The following HTT variants were observed in gnomAD, a reference collection of about 807,000 sequenced individuals.
The protein encoded by HTT is huntingtin.
HTT carries 104 observed loss-of-function variants against 362.3 expected under a neutral mutation model. The observed-to-expected ratio is 0.29, with a 90% CI of 0.24 to 0.34. The LOEUF is 0.34. Among genes scored for constraint, HTT ranks in the 10% least tolerant of loss-of-function variants. The probability of loss-of-function intolerance (pLI) is 1.00; values close to 1 mark genes in which losing one functional copy is unlikely to be tolerated. For synonymous variants in HTT, 1,577 were observed against 1,548.7 expected, an observed-to-expected ratio of 1.02 and a Z score of -0.43; for missense variants, 3,301 against 3,928.6, an observed-to-expected ratio of 0.84 and a Z score of 4.27.
intron 2 of HTT, among the ~76,000 whole-genome samples, chr4:3,097,067 T>C (rs147756043): frequency 1.1e-3 from 166 of 152,250 alleles, no homozygotes; most frequent in African/African-American, 3.6e-3. Flanking sequence ...TGCAGTGAAC[T>C]GTGATTGTGC....
At chr4:3,075,655 G>T (rs559254666) in intron 1 of HTT, among the ~76,000 whole-genome samples, 3 of 139,630 alleles carry the variant, frequency 2.1e-5, no homozygotes, top group African/African-American at 5.4e-5. Context: ...GGCAGGGGGG[G>T]GGCGGGGAGT....
intron 31 of HTT, 59 bp from the exon 32 acceptor site, chr4:3,174,662 A>G: frequency 7.6e-7 from 1 of 1,319,238 alleles, no homozygotes; most frequent in African/African-American, 1.4e-5. Flanking sequence ...ATCTGAGTGC[A>G]GAGGAGATTA....
intron 6 of HTT, among the ~76,000 whole-genome samples, chr4:3,112,185 C>A (rs1272268362): frequency 6.6e-6 from 1 of 152,162 alleles, no homozygotes; most frequent in Non-Finnish European, 1.5e-5. Context: ...TTCAATCCAG[C>A]GTGTTGGATT....
At position 3,208,778 on chromosome 4, in the gene HTT, A is replaced by G; in HGVS notation, c.6158A>G (p.Gln2053Arg). Residue 2053 changes from glutamine to arginine, a missense_variant, in exon 46 of 67, where the codon CAA becomes CGA. Transcript: ENST00000355072. ...LQSSGLAQRH[Q>R]RLYSLLDRFR... is the part of the protein sequence containing the mutation. ...CATTTTTATTTGTATTTTAGACACC[A>G]AAGGCTCTATTCCCTGCTGGACAGG... The G allele has an allele frequency of 1.2e-6, 2 of 1,603,076 alleles. No homozygotes were observed. Among genetic ancestry groups the G allele is most frequent in the Non-Finnish European group, 1.7e-6 (2 of 1,176,912 alleles).
At chr4:3,111,492 C>G (rs750206222) in intron 6 of HTT, among the ~76,000 whole-genome samples, 2 of 152,184 alleles carry the variant, frequency 1.3e-5, no homozygotes, top group Non-Finnish European at 2.9e-5. Flanking sequence ...ATCATTAGAT[C>G]TTTAAATACC....
At position 3,136,220 on chromosome 4, in the gene HTT, C is replaced by A. The variant is rs748707078; in HGVS notation, c.2698-6C>A. On this transcript the variant is annotated splice_region_variant and splice_polypyrimidine_tract_variant and intron_variant, in intron 20 of 66. Coordinates refer to ENST00000355072, the MANE Select transcript of HTT (RefSeq NM_001388492.1). ...ATGTTTATTTTTATTATCCTTCTCTCTAAAGCTTTTAAAACTGCAAGAACG... is the reference window on the plus strand; with the variant it reads ...ATGTTTATTTTTATTATCCTTCTCTATAAAGCTTTTAAAACTGCAAGAACG... 1 of 1,581,298 alleles carries A rather than the reference C, an allele frequency of 6.3e-7. No homozygotes were observed. The highest frequency in any genetic ancestry group is 2.2e-5 in the East Asian group (1 of 44,668).
chr4:3,158,278 C>T (rs897899129), intron 28 of HTT, among the ~76,000 whole-genome samples: 53 of 152,286 alleles, frequency 3.5e-4, no homozygotes, highest in African/African-American at 1.2e-3. Context: ...CAACTGCACC[C>T]GGCTACAAGT....
intron 66 of HTT, among the ~76,000 whole-genome samples, chr4:3,239,327 C>T (rs1036307459): frequency 6.6e-6 from 1 of 152,198 alleles, no homozygotes; most frequent in African/African-American, 2.4e-5. Context: ...GACACTGCTT[C>T]TCATTAGCTT....
intron 63 of HTT, 58 bp downstream of exon 63, chr4:3,235,836 A>G (rs909122535): frequency 1.5e-6 from 2 of 1,362,370 alleles, no homozygotes; most frequent in Non-Finnish European, 2.0e-6. Context: ...GGGAGGCAGG[A>G]GCATGCTCAC....
Position 3,074,925 on chromosome 4 carries a change from CAG to C in HTT, c.101_102del (p.Gln34ProfsTer48), listed in dbSNP as rs1262594046. 4.6e-5 allele frequency: 62 copies of C among 1,359,890 alleles called. No individual in the cohort carries two copies. The African/African-American group carries it at 7.9e-4, about 17-fold the overall frequency. The allele number at this position is 1,359,890 out of a possible 1,614,324, so 84.2% of individuals were successfully genotyped here. A position where few individuals can be genotyped will look rare whatever the true frequency, so the allele number is the denominator to read the frequency against. On this transcript the variant is annotated frameshift_variant, in exon 1 of 67. Coordinates refer to ENST00000355072, the MANE Select transcript of HTT (RefSeq NM_001388492.1). LOFTEE classifies it high-confidence loss of function. ...QQQQQQQQQQ[Q>X]QQQQPPPPPP... ...GCAGCAGCAGCAGCAGCAGCAGCAG[CAG>C]CAGCAGCAACAGCCGCCACCGCCGC...
intron 14 of HTT, 103 bp downstream of exon 14, chr4:3,130,526 C>T: frequency 1.6e-6 from 1 of 630,258 alleles, no homozygotes. Context: ...ATCCCTGGGC[C>T]TTTAAATTTC....
rs1237941458 is a variant in HTT, at chr4:3,154,277, TG to T, written c.3499-15del. On this transcript the variant is annotated splice_polypyrimidine_tract_variant and intron_variant, in intron 26 of 66. Coordinates refer to ENST00000355072, the MANE Select transcript of HTT (RefSeq NM_001388492.1). ...TTTTTGTTTTTTTGTTTTTTGTTTT[TG>T]TTTTTCTATTTTAGGCAGCCTTGCC... The T allele has an allele frequency of 6.5e-7, 1 of 1,531,044 alleles. No homozygotes were observed. The highest frequency in any genetic ancestry group is 8.8e-7 in the Non-Finnish European group (1 of 1,142,154). 94.8% of individuals were successfully genotyped at this position (1,531,044 alleles called of 1,614,324 possible).
Position 3,172,940 on chromosome 4 carries a change from C to T in HTT, c.3975C>T (p.Ala1325=). ...AGACTCTCTTTGGCACAAACTTGGC[C>T]TCCCAGTTTGATGGCTTATCTTCCA... The part of the protein sequence containing the change: ...LLKTLFGTNL[A]SQFDGLSSNP... The change falls in exon 31 of 67, where the codon GCC becomes GCT. Residue 1325 remains alanine (A), a synonymous_variant. Coordinates refer to ENST00000355072, the MANE Select transcript of HTT (RefSeq NM_001388492.1). 2.5e-6 allele frequency: 4 copies of T among 1,614,136 alleles called. No homozygotes were observed. Among genetic ancestry groups the T allele is most frequent in the Non-Finnish European group, 3.4e-6 (4 of 1,180,006 alleles).
At chr4:3,101,415 T>G (rs1447129683) in intron 3 of HTT, among the ~76,000 whole-genome samples, 1 of 152,216 alleles carries the variant, frequency 6.6e-6, no homozygotes, top group Non-Finnish European at 1.5e-5. Context: ...AGATTCCTGC[T>G]TCCTCAGATG....
At chr4:3,237,137 G>C (rs1721576327) in intron 64 of HTT, among the ~76,000 whole-genome samples, 1 of 150,188 alleles carries the variant, frequency 6.7e-6, no homozygotes, top group Non-Finnish European at 1.5e-5. Flanking sequence ...GCAATGGTGT[G>C]ATCTCGGCTC....
intron 60 of HTT, among the ~76,000 whole-genome samples, chr4:3,232,766 G>A (rs1721318850): frequency 6.6e-6 from 1 of 152,258 alleles, no homozygotes; most frequent in South Asian, 2.1e-4. Flanking sequence ...CCCGCACAGT[G>A]AGCCGTGACA....
Position 3,178,411 on chromosome 4 carries a change from G to A in HTT, c.4577G>A (p.Gly1526Asp), listed in dbSNP as rs534610900. 1.9e-6 allele frequency: 3 copies of A among 1,613,660 alleles called. No homozygotes were observed. The highest frequency in any genetic ancestry group is 2.2e-5 in the East Asian group (1 of 44,882). Reference protein sequence around the residue: ...GIPKIIQLCDGIMASGRKAVT... With the variant: ...GIPKIIQLCDDIMASGRKAVT... ...CCTAAAATCATTCAGCTCTGTGATG[G>A]CATCATGGCCAGTGGAAGGAAGGCT... Residue 1526 changes from glycine (G) to aspartate (D), a missense_variant, in exon 35 of 67, where the codon GGC (glycine) becomes GAC (aspartate). By Grantham distance (94) the Gly-to-Asp change is moderately conservative. This residue lies in a region of HTT where 2,316 missense variants were observed against 2,658.5 expected (regional missense o/e 0.87). Transcript: ENST00000355072.
chr4:3,129,422 A>G (rs1432352574), intron 12 of HTT: 1 of 153,636 alleles, frequency 6.5e-6, no homozygotes, highest in African/African-American at 2.4e-5. Context: ...TTTTAGGTAA[A>G]TTACACAGGA....
At chr4:3,212,183 C>T (rs777336720) in intron 48 of HTT, 41 bp downstream of exon 48, 3 of 1,449,462 alleles carry the variant, frequency 2.1e-6, no homozygotes, top group Non-Finnish European at 2.9e-6. Context: ...AAAAAGCATT[C>T]CAGGGCCAGT....
Sources: gnomAD v4.1 joint callset for allele counts (sites outside exome capture counted in the v4.1 genomes callset) on GRCh38, gnomAD v4.1.1 for gene constraint, gnomAD v4.1.1 regional missense constraint, MANE v1.5 for transcripts, NCBI Gene and HGNC (gene_info 2026-07-23, HGNC 2026-07-21) for gene names.